Variants in NFE2L2 observed in about 807,000 individuals in gnomAD.
NFE2L2 encodes NFE2 like bZIP transcription factor 2, also known as nuclear factor erythroid 2-related factor 2.
NFE2L2 carries 20 observed loss-of-function variants against 49.6 expected under a neutral mutation model. The observed-to-expected ratio is 0.40, with a 90% CI of 0.28 to 0.59. The LOEUF (loss-of-function observed/expected upper bound fraction) is 0.59. Among genes scored for constraint, NFE2L2 ranks in the 20% least tolerant of loss-of-function variants. NFE2L2 has a pLI of 0.40. For synonymous variants in NFE2L2, 244 were observed against 256.5 expected (o/e 0.95, Z 0.47); for missense variants, 578 against 714.2 (o/e 0.81, Z 2.17).
chr2:177,235,780 T>C (rs999398843), intron 1 of NFE2L2, among the ~76,000 whole-genome samples: 2 of 152,178 alleles, frequency 1.3e-5, no homozygotes, highest in South Asian at 2.1e-4. Context: ...TGAGCTGTGA[T>C]TGTACCACTG....
rs191513071 is a variant in NFE2L2 at position 177,244,038 on chromosome 2, C to T, written c.46-9767G>A. 8.4e-3 allele frequency among the ~76,000 whole-genome samples: 1,264 copies of T among 151,100 alleles called. 9 individuals carry two copies. The highest frequency in any genetic ancestry group is 0.013 in the Non-Finnish European group (889 of 67,856). On this transcript the variant is annotated intron_variant, in intron 1 of 4. Coordinates refer to ENST00000397062, the MANE Select transcript of NFE2L2 (RefSeq NM_006164.5). ...GATCCTTGCTGGGTGCGGTGGCTCA[C>T]GCCTGTAATCCCAGCACTTTAGGAG...
chr2:177,240,875 A>G (rs1689918444), intron 1 of NFE2L2, among the ~76,000 whole-genome samples: 1 of 152,230 alleles, frequency 6.6e-6, no homozygotes, highest in Admixed American at 6.5e-5. Flanking sequence ...AAGATAATAC[A>G]ATCCCTGTCC....
chr2:177,236,834 T>G lies in NFE2L2; in HGVS notation c.46-2563A>C, dbSNP rs992960657. On this transcript the variant is annotated intron_variant, in intron 1 of 4. Coordinates refer to ENST00000397062, the MANE Select transcript of NFE2L2 (RefSeq NM_006164.5). ...ATGTGTGTATTGTTATTTTTTCGGGTTTTTTTTCCACTTTTTTCCTTTTGA... is the reference window on the plus strand; with the variant it reads ...ATGTGTGTATTGTTATTTTTTCGGGGTTTTTTTCCACTTTTTTCCTTTTGA... Among the ~76,000 whole-genome samples the G allele has an allele frequency of 6.7e-4, 102 of 152,034 alleles. 2 individuals are homozygous for G. Among genetic ancestry groups the G allele is most frequent in the South Asian group, 3.5e-3 (17 of 4,806 alleles).
intron 1 of NFE2L2, among the ~76,000 whole-genome samples, chr2:177,252,381 T>C (rs962406722): frequency 5.9e-5 from 9 of 152,188 alleles, no homozygotes; most frequent in East Asian, 3.8e-4. Context: ...TGTCCACATC[T>C]GTCTGCTTGG....
At chr2:177,234,405 A>ATTGGATCTGTGTTCT in intron 1 of NFE2L2, 134 bp from the exon 2 acceptor site, 1 of 1,033,828 alleles carries the variant, frequency 9.7e-7, no homozygotes, top group Non-Finnish European at 1.4e-6. Flanking sequence ...AAATGAGAAC[A>ATTGGATCTGTGTTCT]CAGATCCAAT....
intron 1 of NFE2L2, among the ~76,000 whole-genome samples, chr2:177,235,081 C>T (rs1689694577): frequency 6.6e-6 from 1 of 151,764 alleles, no homozygotes; most frequent in South Asian, 2.1e-4. Context: ...CGCACCACTG[C>T]ACTCCAGCCT....
At chr2:177,235,253 C>T (rs561819610) in intron 1 of NFE2L2, among the ~76,000 whole-genome samples, 3 of 151,270 alleles carry the variant, frequency 2.0e-5, no homozygotes, top group Non-Finnish European at 2.9e-5. Context: ...TGGAGAGACC[C>T]TGTTTCTACC....
chr2:177,232,041 C>CA, intron 4 of NFE2L2, 33 bp from the exon 5 acceptor site: 3 of 1,534,514 alleles, frequency 2.0e-6, no homozygotes, highest in Non-Finnish European at 2.6e-6. Flanking sequence ...CTATATAAAT[C>CA]AAAGTTAATC....
intron 1 of NFE2L2, among the ~76,000 whole-genome samples, chr2:177,235,116 C>CA (rs898313499): frequency 2.1e-4 from 32 of 149,352 alleles, no homozygotes; most frequent in East Asian, 4.0e-4. Context: ...GACTCCATCT[C>CA]AAAAAAAAAT....
chr2:177,249,006 CAGG>C (rs1466568354), intron 1 of NFE2L2, among the ~76,000 whole-genome samples: 7 of 151,830 alleles, frequency 4.6e-5, no homozygotes, highest in Admixed American at 1.3e-4. Flanking sequence ...CACTTGAGCC[CAGG>C]AGTTTTGATA....
rs190871210 is a variant in NFE2L2 at position 177,258,343 on chromosome 2, T to A, written c.45+6189A>T. 5.3e-5 allele frequency among the ~76,000 whole-genome samples: 8 copies of A among 152,356 alleles called. No homozygotes were observed. The East Asian group carries it at 1.5e-3, about 29-fold the overall frequency. On this transcript the variant is annotated intron_variant, in intron 1 of 4. Coordinates refer to ENST00000397062, the MANE Select transcript of NFE2L2 (RefSeq NM_006164.5). ...GCCAGCAACAGAAGGATAAATACTG[T>A]ATGATTCCATTTACATGCTATTCCA...
At chr2:177,263,995 A>T in intron 1 of NFE2L2, 1 of 968,858 alleles carries the variant, frequency 1.0e-6, no homozygotes, top group Non-Finnish European at 1.2e-6. Context: ...GCCCGCACTC[A>T]AGGAGGTCTT....
At position 177,231,499 on chromosome 2, in the gene NFE2L2, G is replaced by A. The variant is rs1299373615; in HGVS notation, c.1104C>T (p.Asp368=). The A allele has an allele frequency of 6.2e-7, 1 of 1,614,256 alleles. No homozygotes were observed. Among genetic ancestry groups the A allele is most frequent in the East Asian group, 2.2e-5 (1 of 44,892 alleles). The part of the protein sequence containing the change: ...EHSVESSSYG[D]TLLGLSDSEV... ...CAGAATCACTGAGGCCAAGTAGTGT[G>A]TCTCCATAGCTGGAAGATTCCACTG... The change falls in exon 5 of 5, where the codon GAC becomes GAT. Residue 368 remains aspartate (D), a synonymous_variant. Coordinates refer to ENST00000397062, the MANE Select transcript of NFE2L2 (RefSeq NM_006164.5).
intron 1 of NFE2L2, among the ~76,000 whole-genome samples, chr2:177,245,744 G>A (rs1425643955): frequency 2.0e-5 from 3 of 152,056 alleles, no homozygotes; most frequent in Non-Finnish European, 2.9e-5. Flanking sequence ...CGAGTAGTTG[G>A]GATTACAGGC....
chr2:177,238,192 T>C (rs1283991497), intron 1 of NFE2L2, among the ~76,000 whole-genome samples: 1 of 152,228 alleles, frequency 6.6e-6, no homozygotes, highest in East Asian at 1.9e-4. Context: ...CCTGAGGTTT[T>C]TTCTTGTTAA....
chr2:177,232,954 T>C, intron 3 of NFE2L2: 1 of 492,494 alleles, frequency 2.0e-6, no homozygotes. Flanking sequence ...ACCTCTTAGA[T>C]ACTTGCAGCA....
chr2:177,260,921 A>G (rs1690709065), intron 1 of NFE2L2, among the ~76,000 whole-genome samples: 1 of 152,174 alleles, frequency 6.6e-6, no homozygotes, highest in African/African-American at 2.4e-5. Context: ...CTGTAATCCC[A>G]ACACTTTGGG....
In NFE2L2 at chr2:177,232,449, A is replaced by G. The variant is rs367859411; in HGVS notation, c.537T>C (p.Gly179=). The part of the protein sequence containing the change: ...VAQVAPVDLD[G]MQQDIEQVWE... ...AAACTTGCTCAATGTCCTGTTGCAT[A>G]CCGTCTAAATCAACAGGGGCTACCT... Residue 179 remains glycine, a synonymous_variant, in exon 4 of 5, where the codon GGT becomes GGC. Coordinates refer to ENST00000397062, the MANE Select transcript of NFE2L2 (RefSeq NM_006164.5). 7.7e-5 allele frequency: 125 copies of G among 1,614,168 alleles called. 1 individual carries two copies. In the African/African-American group the frequency reaches 1.1e-3, roughly 15 times the overall value.
rs576075280 is a variant in NFE2L2, at chr2:177,231,941, G to A, written c.662C>T (p.Thr221Ile). 36 of 1,614,066 alleles carry A rather than the reference G, an allele frequency of 2.2e-5. No homozygotes were observed. In the African/African-American group the frequency reaches 4.3e-4, roughly 19 times the overall value. The change falls in exon 5 of 5, where the codon ACA becomes ATA. Residue 221 changes from threonine (T) to isoleucine (I), a missense_variant. By Grantham distance (89) the Thr-to-Ile change is moderately conservative. Transcript: ENST00000397062. ...GTAAAAATGATAATTGTCAACTTCT[G>A]TCAGTTTGGCTTCTGGACTTGGAAC... ...TMVPSPEAKL[T>I]EVDNYHFYSS...
Sources: gnomAD v4.1 joint callset for allele counts (sites outside exome capture counted in the v4.1 genomes callset) on GRCh38, gnomAD v4.1.1 for gene constraint, MANE v1.5 for transcripts, NCBI Gene and HGNC (gene_info 2026-07-23, HGNC 2026-07-21) for gene names.